Variants in PLS1 observed in about 807,000 individuals in gnomAD.
PLS1 encodes the protein plastin-1.
Under a neutral mutation model 73.7 loss-of-function variants are expected in PLS1, and 32 were observed. The observed-to-expected ratio is 0.43, with a 90% CI of 0.33 to 0.58. The LOEUF is 0.58. Among genes scored for constraint, PLS1 ranks in the 20% least tolerant of loss-of-function variants. The pLI is 0.04. For synonymous variants in PLS1, 217 were observed against 261.3 expected (o/e 0.83, Z 1.63); for missense variants, 633 against 740.5 (o/e 0.85, Z 1.68).
chr3:142,609,207 T>G (rs1472837994), intron 1 of PLS1, among the ~76,000 whole-genome samples: 1 of 152,220 alleles, frequency 6.6e-6, no homozygotes, highest in African/African-American at 2.4e-5. Context: ...TCAGACTTTA[T>G]GTATTAGTCA....
chr3:142,628,239 C>A (rs954435232), intron 1 of PLS1, among the ~76,000 whole-genome samples: 1 of 152,096 alleles, frequency 6.6e-6, no homozygotes, highest in Non-Finnish European at 1.5e-5. Flanking sequence ...TTGACACTTA[C>A]TAGTGGATGA....
intron 14 of PLS1, among the ~76,000 whole-genome samples, chr3:142,708,199 G>A (rs1201773928): frequency 6.6e-6 from 1 of 151,968 alleles, no homozygotes; most frequent in Non-Finnish European, 1.5e-5. Flanking sequence ...AGCCTCTTAG[G>A]GAAGTCTGGT....
At chr3:142,644,533 G>A (rs138543015) in intron 1 of PLS1, among the ~76,000 whole-genome samples, 97 of 152,284 alleles carry the variant, frequency 6.4e-4, no homozygotes, top group Middle Eastern at 3.4e-3. Context: ...GATTATAGGC[G>A]TGAGCCACGG....
chr3:142,602,770 G>T (rs2035950582), intron 1 of PLS1, among the ~76,000 whole-genome samples: 1 of 152,192 alleles, frequency 6.6e-6, no homozygotes, highest in Non-Finnish European at 1.5e-5. Context: ...TCCATTTCCT[G>T]GTTCTGCTTT....
chr3:142,672,407 A>G, intron 4 of PLS1, among the ~76,000 whole-genome samples: 1 of 137,952 alleles, frequency 7.2e-6, no homozygotes, highest in South Asian at 2.2e-4. Context: ...CAGTGGTGCG[A>G]TCTCGGCTCA....
chr3:142,644,179 C>G (rs1040958951), intron 1 of PLS1, among the ~76,000 whole-genome samples: 1 of 151,970 alleles, frequency 6.6e-6, no homozygotes, highest in Admixed American at 6.6e-5. Context: ...ACATTAATGC[C>G]TATTATGTCT....
chr3:142,655,636 C>T (rs549355850), intron 1 of PLS1, among the ~76,000 whole-genome samples: 59 of 150,490 alleles, frequency 3.9e-4, no homozygotes, highest in African/African-American at 1.2e-3. Context: ...GCAGGAAAAT[C>T]GCTTGAACCT....
chr3:142,659,635 T>C (rs979808201), intron 1 of PLS1, among the ~76,000 whole-genome samples: 1 of 152,014 alleles, frequency 6.6e-6, no homozygotes, highest in Non-Finnish European at 1.5e-5. Context: ...TCTCCATTTC[T>C]CCTAGAGGAT....
intron 1 of PLS1, among the ~76,000 whole-genome samples, chr3:142,606,380 G>A (rs906192446): frequency 7.2e-5 from 11 of 152,238 alleles, no homozygotes; most frequent in East Asian, 5.8e-4. Flanking sequence ...TCAACCACAC[G>A]TTGTCAAAAT....
intron 1 of PLS1, among the ~76,000 whole-genome samples, chr3:142,606,775 A>G (rs1470628274): frequency 2.0e-5 from 3 of 152,194 alleles, no homozygotes. Flanking sequence ...ACATATCAAG[A>G]CTTCTTTTCA....
chr3:142,608,132 G>A (rs2036057214), intron 1 of PLS1, among the ~76,000 whole-genome samples: 2 of 152,206 alleles, frequency 1.3e-5, no homozygotes, highest in South Asian at 2.1e-4. Flanking sequence ...ATAGGCATGA[G>A]CCACCCACTA....
At chr3:142,649,782 T>TA (rs1396461660) in intron 1 of PLS1, among the ~76,000 whole-genome samples, 1 of 152,192 alleles carries the variant, frequency 6.6e-6, no homozygotes, top group Non-Finnish European at 1.5e-5. Flanking sequence ...GGAGCAACTA[T>TA]AAACTGACTT....
intron 1 of PLS1, among the ~76,000 whole-genome samples, chr3:142,650,936 G>T (rs188599415): frequency 1.4e-3 from 209 of 152,148 alleles, no homozygotes; most frequent in African/African-American, 4.9e-3. Context: ...TGCCTGAGCT[G>T]GGAAAGTCTC....
intron 1 of PLS1, among the ~76,000 whole-genome samples, chr3:142,620,933 C>A (rs2036303386): frequency 6.6e-6 from 1 of 152,046 alleles, no homozygotes; most frequent in African/African-American, 2.4e-5. Flanking sequence ...CAGAAGAATG[C>A]TTGTACTTGG....
chr3:142,616,624 A>G (rs1487520125), intron 1 of PLS1, among the ~76,000 whole-genome samples: 1 of 151,936 alleles, frequency 6.6e-6, no homozygotes, highest in Non-Finnish European at 1.5e-5. Flanking sequence ...ATTATTATTG[A>G]TGGAGTCTCA....
chr3:142,616,240 A>G (rs2036214103), intron 1 of PLS1, among the ~76,000 whole-genome samples: 1 of 152,216 alleles, frequency 6.6e-6, no homozygotes, highest in African/African-American at 2.4e-5. Context: ...GTTTGAGGAA[A>G]AAATGCAAGA....
At chr3:142,671,246 A>G in intron 4 of PLS1, 124 bp downstream of exon 4, 1 of 807,420 alleles carries the variant, frequency 1.2e-6, no homozygotes. Context: ...ACTGAGGAGA[A>G]AAAAATACTG....
intron 1 of PLS1, among the ~76,000 whole-genome samples, chr3:142,610,100 C>T (rs1159065261): frequency 3.9e-5 from 6 of 152,172 alleles, no homozygotes; most frequent in African/African-American, 1.2e-4. Context: ...AATTCCTGAC[C>T]TCAGTTGATC....
chr3:142,663,799 T>C (rs577549849), intron 1 of PLS1, among the ~76,000 whole-genome samples: 4 of 152,356 alleles, frequency 2.6e-5, no homozygotes, highest in African/African-American at 9.6e-5. Context: ...ATTCACCTTT[T>C]TTGTAGACAT....
Sources: allele counts gnomAD v4.1 joint callset (sites outside exome capture counted in the v4.1 genomes callset), GRCh38; gene constraint gnomAD v4.1.1; transcripts MANE v1.5; gene names NCBI Gene and HGNC (gene_info 2026-07-23, HGNC 2026-07-21).